The following SUPT3H variants were observed in gnomAD, a reference collection of about 807,000 sequenced individuals.
The protein encoded by SUPT3H is transcription initiation protein SPT3 homolog.
Under a neutral mutation model 44.3 loss-of-function variants are expected in SUPT3H, and 44 were observed. The ratio of observed to expected loss-of-function variants is 0.99; its 90% CI spans 0.78 to 1.28. The LOEUF is 1.28. SUPT3H is among the 50% of genes most tolerant of loss of function. The pLI, the probability that SUPT3H is intolerant of heterozygous loss-of-function variation, is 0.00. For synonymous variants in SUPT3H, 124 were observed against 125.6 expected (o/e 0.99, Z 0.09); for missense variants, 380 against 387.1 (o/e 0.98, Z 0.15).
chr6:45,127,594 C>T (rs1337901336), intron 2 of SUPT3H, among the ~76,000 whole-genome samples: 1 of 152,176 alleles, frequency 6.6e-6, no homozygotes. Flanking sequence ...CAAACACACA[C>T]TCATAATTTA....
At chr6:45,321,243 A>G (rs73735369) in intron 2 of SUPT3H, among the ~76,000 whole-genome samples, 23,029 of 152,100 alleles carry the variant, frequency 0.15, 1,985 homozygotes, top group East Asian at 0.26. Context: ...AGCTACTCAT[A>G]TTCACTCATT....
At chr6:45,357,610 G>A (rs902191953) in intron 2 of SUPT3H, among the ~76,000 whole-genome samples, 1 of 152,142 alleles carries the variant, frequency 6.6e-6, no homozygotes, top group East Asian at 1.9e-4. Flanking sequence ...TTACAGACAT[G>A]AGCTACCACA....
chr6:45,083,810 T>A (rs1796139475), intron 3 of SUPT3H, among the ~76,000 whole-genome samples: 1 of 151,992 alleles, frequency 6.6e-6, no homozygotes, highest in African/African-American at 2.4e-5. Context: ...AACCATCTGA[T>A]CTTTGACAAA....
chr6:44,820,329 T>C (rs1198266873), intron 11 of SUPT3H, among the ~76,000 whole-genome samples: 1 of 152,202 alleles, frequency 6.6e-6, no homozygotes, highest in African/African-American at 2.4e-5. Context: ...TTGTTGGAGA[T>C]GCACTGTGAT....
At chr6:44,947,581 C>T (rs902249018) in intron 9 of SUPT3H, among the ~76,000 whole-genome samples, 1 of 151,852 alleles carries the variant, frequency 6.6e-6, no homozygotes, top group African/African-American at 2.4e-5. Context: ...TTGGCAGTAA[C>T]TAACAAGTTG....
At chr6:45,327,650 A>G (rs1786591857) in intron 2 of SUPT3H, among the ~76,000 whole-genome samples, 1 of 152,010 alleles carries the variant, frequency 6.6e-6, no homozygotes, top group Non-Finnish European at 1.5e-5. Context: ...AAATTTGTAA[A>G]AGAATGCCCA....
At chr6:44,902,844 T>G (rs1219305541) in intron 10 of SUPT3H, among the ~76,000 whole-genome samples, 2 of 152,054 alleles carry the variant, frequency 1.3e-5, no homozygotes, top group Admixed American at 1.3e-4. Flanking sequence ...CAGACCACAG[T>G]GCAATCAAAC....
chr6:45,176,127 A>T (rs921156750), intron 2 of SUPT3H, among the ~76,000 whole-genome samples: 4 of 152,086 alleles, frequency 2.6e-5, no homozygotes, highest in Non-Finnish European at 5.9e-5. Context: ...TGAGCGACGC[A>T]GAAGACGGGT....
chr6:45,323,565 C>T (rs1297888773), intron 2 of SUPT3H, among the ~76,000 whole-genome samples: 1 of 152,022 alleles, frequency 6.6e-6, no homozygotes, highest in African/African-American at 2.4e-5. Flanking sequence ...CCACCCCCAA[C>T]TTGGCAATAA....
chr6:45,135,495 T>C (rs998268354), intron 2 of SUPT3H, among the ~76,000 whole-genome samples: 24 of 152,182 alleles, frequency 1.6e-4, no homozygotes, highest in African/African-American at 5.8e-4. Context: ...CCTTCAATAT[T>C]TTGCATAGAA....
chr6:45,057,016 T>C (rs1583290009), intron 3 of SUPT3H, among the ~76,000 whole-genome samples: 1 of 152,086 alleles, frequency 6.6e-6, no homozygotes, highest in Admixed American at 6.5e-5. Context: ...TAAGGTATTA[T>C]AAACATAGAA....
intron 2 of SUPT3H, among the ~76,000 whole-genome samples, chr6:45,113,544 T>G (rs1800378322): frequency 6.6e-6 from 1 of 152,078 alleles, no homozygotes; most frequent in Admixed American, 6.6e-5. Flanking sequence ...AATCAAAATA[T>G]CAAATAAGGC....
chr6:45,050,650 C>T (rs1026155406), intron 3 of SUPT3H, among the ~76,000 whole-genome samples: 8 of 152,074 alleles, frequency 5.3e-5, no homozygotes, highest in Non-Finnish European at 5.9e-5. Flanking sequence ...TAAAGCCTCA[C>T]GGAAGACAGT....
chr6:45,180,863 C>G (rs1012969197), intron 2 of SUPT3H, among the ~76,000 whole-genome samples: 54 of 151,270 alleles, frequency 3.6e-4, no homozygotes, highest in South Asian at 6.3e-4. Context: ...CCAAAATTGA[C>G]AAATGGGATC....
chr6:45,222,817 T>C (rs1458047616), intron 2 of SUPT3H, among the ~76,000 whole-genome samples: 2 of 152,092 alleles, frequency 1.3e-5, no homozygotes, highest in African/African-American at 4.8e-5. Context: ...TGGGTGACTA[T>C]TAAAGAAACT....
In SUPT3H at chr6:45,304,229, A is replaced by T. The variant is rs572633279; in HGVS notation, c.101+60972T>A. Among the ~76,000 whole-genome samples the T allele has an allele frequency of 1.8e-3, 281 of 152,312 alleles. 1 individual carries two copies. Among genetic ancestry groups the T allele is most frequent in the African/African-American group, 6.3e-3 (260 of 41,578 alleles). On this transcript the variant is annotated intron_variant, in intron 2 of 10. Coordinates refer to ENST00000371459, the MANE Select transcript of SUPT3H (RefSeq NM_003599.4). ...CTAATAATTATATTTCACTTAAAATATATTAAAAGACATTTAAAACTGCTT... is the reference window on the plus strand; with the variant it reads ...CTAATAATTATATTTCACTTAAAATTTATTAAAAGACATTTAAAACTGCTT...
intron 10 of SUPT3H, among the ~76,000 whole-genome samples, chr6:44,913,834 C>T (rs976086320): frequency 6.6e-6 from 1 of 152,074 alleles, no homozygotes; most frequent in African/African-American, 2.4e-5. Flanking sequence ...ATTTTTCAGA[C>T]AAAAGCTTCC....
chr6:45,374,733 A>AC (rs1796535273), intron 1 of SUPT3H, among the ~76,000 whole-genome samples: 1 of 152,194 alleles, frequency 6.6e-6, no homozygotes, highest in African/African-American at 2.4e-5. Context: ...CCATGCAGTC[A>AC]CCCCCACCAA....
At chr6:44,901,697 G>C (rs1765091592) in intron 10 of SUPT3H, among the ~76,000 whole-genome samples, 2 of 151,526 alleles carry the variant, frequency 1.3e-5, no homozygotes, top group African/African-American at 2.4e-5. Context: ...TCCTCGAGAA[G>C]AGCAACTCCA....
Sources: gnomAD v4.1 joint callset for allele counts (sites outside exome capture counted in the v4.1 genomes callset) on GRCh38, gnomAD v4.1.1 for gene constraint, MANE v1.5 for transcripts, NCBI Gene and HGNC (gene_info 2026-07-23, HGNC 2026-07-21) for gene names.